CSAD: variants seen among roughly 807,000 people sequenced by gnomAD.
CSAD encodes P-selectin cytoplasmic tail-associated protein.
Under a neutral mutation model 61.5 loss-of-function variants are expected in CSAD, and 47 were observed. The observed-to-expected ratio is 0.76, with a 90% CI of 0.60 to 0.97. The LOEUF is 0.97. CSAD is among the 50% of genes least tolerant of loss of function. The pLI is 0.00. For synonymous variants in CSAD, 245 were observed against 252.7 expected (o/e 0.97, Z 0.29); for missense variants, 611 against 643.6 (o/e 0.95, Z 0.55).
Position 53,160,282 on chromosome 12 carries a change from T to G in CSAD, c.1004A>C (p.Tyr335Ser). 1 of 1,614,176 alleles carries G rather than the reference T, an allele frequency of 6.2e-7. No homozygotes were observed. Among genetic ancestry groups the G allele is most frequent in the African/African-American group, 1.3e-5 (1 of 75,040 alleles). Reference sequence around the variant, plus strand: ...GTAGAACTTGTCCTGCTGGAAAAGGTAGCTGGCCTGGGACCCATGGCAGCG... The same window carrying G: ...GTAGAACTTGTCCTGCTGGAAAAGGGAGCTGGCCTGGGACCCATGGCAGCG... ...LKRCHGSQAS[Y>S]LFQQDKFYDV... Residue 335 changes from tyrosine (Y) to serine (S), a missense_variant, in exon 14 of 17, where the codon TAC (tyrosine) becomes TCC (serine). Coordinates refer to ENST00000444623, the MANE Select transcript of CSAD (RefSeq NM_001244705.2).
At chr12:53,165,150 ATTTTGG>A in intron 10 of CSAD, among the ~76,000 whole-genome samples, 1 of 152,224 alleles carries the variant, frequency 6.6e-6, no homozygotes, top group Middle Eastern at 3.4e-3. Flanking sequence ...GCGAAATGGA[ATTTTGG>A]TAGAGATGTG....
intron 16 of CSAD, 107 bp downstream of exon 16, chr12:53,159,514 AAG>A: frequency 1.2e-6 from 1 of 861,576 alleles, no homozygotes; most frequent in Non-Finnish European, 1.9e-6. Context: ...GCCTCAGAGC[AAG>A]AGACCAGCAA....
chr12:53,180,501 A>G, intron 1 of CSAD: 2 of 1,248,506 alleles, frequency 1.6e-6, no homozygotes, highest in South Asian at 1.3e-5. Flanking sequence ...CGCCCCGGCC[A>G]CGGCGCACGC....
chr12:53,165,322 C>T (rs1238029027), intron 10 of CSAD, among the ~76,000 whole-genome samples: 6 of 151,410 alleles, frequency 4.0e-5, no homozygotes, highest in African/African-American at 1.5e-4. Flanking sequence ...GCCTGGGTGA[C>T]AGAGCAAGAC....
chr12:53,179,338 A>G (rs555094650), intron 1 of CSAD, among the ~76,000 whole-genome samples, 196 bp from the exon 2 acceptor site: 6 of 152,364 alleles, frequency 3.9e-5, no homozygotes, highest in South Asian at 2.1e-4. Context: ...CAGGTGCTCA[A>G]TAAATACTGG....
intron 1 of CSAD, chr12:53,180,414 T>G (rs1255116768): frequency 4.8e-5 from 47 of 983,914 alleles, no homozygotes; most frequent in Admixed American, 6.2e-5. Context: ...CAGCAAACCC[T>G]CCTCCCATCG....
In CSAD at chr12:53,170,142, C is replaced by T; in HGVS notation, c.648-16G>A. 1 of 1,612,564 alleles carries T rather than the reference C, an allele frequency of 6.2e-7. No individual in the cohort carries two copies. The highest frequency in any genetic ancestry group is 2.2e-5 in the East Asian group (1 of 44,872). Reference sequence around the variant, plus strand: ...CATTTTCCCTCTGAAAAAGAAAATGCAGAGGGTAGAGCAGGGACAGGTTCT... The same window carrying T: ...CATTTTCCCTCTGAAAAAGAAAATGTAGAGGGTAGAGCAGGGACAGGTTCT... On this transcript the variant is annotated splice_polypyrimidine_tract_variant and intron_variant, in intron 9 of 16. Coordinates refer to ENST00000444623, the MANE Select transcript of CSAD (RefSeq NM_001244705.2).
chr12:53,175,038 G>A (rs1014246786), intron 2 of CSAD, among the ~76,000 whole-genome samples: 3 of 152,188 alleles, frequency 2.0e-5, no homozygotes, highest in Admixed American at 6.5e-5. Context: ...TTGACTGAGT[G>A]TTGTCTACTT....
intron 4 of CSAD, 116 bp downstream of exon 4, chr12:53,173,217 GAAGAAAGGAAAA>G: frequency 1.1e-6 from 1 of 891,808 alleles, no homozygotes; most frequent in Non-Finnish European, 1.7e-6. Context: ...AGAAAGAAAG[GAAGAAAGGAAAA>G]AAGGAAGGAA....
intron 10 of CSAD, among the ~76,000 whole-genome samples, chr12:53,166,704 G>A (rs930588246): frequency 6.6e-6 from 1 of 152,104 alleles, no homozygotes; most frequent in Non-Finnish European, 1.5e-5. Context: ...GCTGAGGCAC[G>A]AGAATCGCTT....
Position 53,160,792 on chromosome 12 carries a change from A to G in CSAD, c.937T>C (p.Cys313Arg). 2 of 1,551,764 alleles carry G rather than the reference A, an allele frequency of 1.3e-6. No homozygotes were observed. The highest frequency in any genetic ancestry group is 1.7e-6 in the Non-Finnish European group (2 of 1,146,986). The stretch of plus-strand genomic sequence containing the variant: ...GTATCCTGGAGAAGAAGTGCAGAGC[A>G]TTGCAGGCCTGCTGCGAGGAGCTTG... The part of the protein sequence containing the change: ...PHKLLAAGLQ[C>R]SALLLQDTSN... Residue 313 changes from cysteine (C) to arginine (R), a missense_variant, in exon 13 of 17, where the codon TGC becomes CGC. Physicochemically the swap from Cys to Arg is radical, Grantham distance 180. Transcript: ENST00000444623.
chr12:53,159,853 G>T, intron 15 of CSAD, 34 bp downstream of exon 15: 1 of 1,571,834 alleles, frequency 6.4e-7, no homozygotes. Context: ...GAGCTAGGCT[G>T]GGGCAGGGGC....
In CSAD at chr12:53,180,859, CGCAGCGTCGTCCGTACAGACG is replaced by C. The variant is rs1390668259; in HGVS notation, c.-239_-219del. ...GCAGGTAGGAGCAAGCCCCAAAGACCGCAGCGTCGTCCGTACAGACGGCAGCGCTTCAGTAGCTCGCAAGCC... is the reference window on the plus strand; with the variant it reads ...GCAGGTAGGAGCAAGCCCCAAAGACCGCAGCGCTTCAGTAGCTCGCAAGCC... On this transcript the variant is annotated 5_prime_UTR_variant, in exon 1 of 17. Transcript: ENST00000444623. 1 of 1,255,730 alleles carries C rather than the reference CGCAGCGTCGTCCGTACAGACG, an allele frequency of 8.0e-7. No individual in the cohort carries two copies. Among genetic ancestry groups the C allele is most frequent in the African/African-American group, 1.6e-5 (1 of 61,916 alleles). 77.8% of individuals were successfully genotyped at this position (1,255,730 alleles called of 1,614,324 possible).
chr12:53,165,726 T>A (rs964486445), intron 10 of CSAD, among the ~76,000 whole-genome samples: 2 of 150,538 alleles, frequency 1.3e-5, no homozygotes, highest in African/African-American at 4.9e-5. Flanking sequence ...GTGAATAAAT[T>A]AGAACCCTTG....
intron 10 of CSAD, among the ~76,000 whole-genome samples, chr12:53,161,798 AT>A (rs1226883382): frequency 6.6e-6 from 1 of 151,930 alleles, no homozygotes; most frequent in East Asian, 1.9e-4. Context: ...CTCTAAAAAA[AT>A]TTTTTTGTTT....
At position 53,161,119 on chromosome 12, in the gene CSAD, G is replaced by C; in HGVS notation, c.884+8C>G. 1 of 1,613,364 alleles carries C rather than the reference G, an allele frequency of 6.2e-7. No individual in the cohort carries two copies. ...GGCGGGATTTGGGAAGAAGGGGACT[G>C]TATGCACCTCTGGATCCCATCCAGG... On this transcript the variant is annotated splice_region_variant and intron_variant, in intron 12 of 16. Transcript: ENST00000444623.
intron 10 of CSAD, among the ~76,000 whole-genome samples, chr12:53,167,639 T>C (rs1940086838): frequency 1.3e-5 from 2 of 152,196 alleles, no homozygotes; most frequent in South Asian, 4.1e-4. Flanking sequence ...ATGCTCAATA[T>C]CATTAGTCAT....
At chr12:53,173,271 A>G in intron 4 of CSAD, 74 bp downstream of exon 4, 1 of 1,393,320 alleles carries the variant, frequency 7.2e-7, no homozygotes, top group African/African-American at 1.4e-5. Context: ...GGGAGAAAGA[A>G]AAGAAAGGAA....
Position 53,176,544 on chromosome 12 carries a change from C to A in CSAD, c.-50+2558G>T, listed in dbSNP as rs191748737. 2.4e-4 allele frequency among the ~76,000 whole-genome samples: 37 copies of A among 151,888 alleles called. No individual in the cohort carries two copies. In the East Asian group the frequency reaches 5.6e-3, roughly 23 times the overall value. On this transcript the variant is annotated intron_variant, in intron 2 of 16. Coordinates refer to ENST00000444623, the MANE Select transcript of CSAD (RefSeq NM_001244705.2). ...ACCATCCTGGCTAATATGGTGAAACCCCATCTCTACTAAAAATACAAAAAA... is the reference window on the plus strand; with the variant it reads ...ACCATCCTGGCTAATATGGTGAAACACCATCTCTACTAAAAATACAAAAAA...
Sources: gnomAD v4.1 joint callset for allele counts (sites outside exome capture counted in the v4.1 genomes callset) on GRCh38, gnomAD v4.1.1 for gene constraint, MANE v1.5 for transcripts, NCBI Gene and HGNC (gene_info 2026-07-23, HGNC 2026-07-21) for gene names.